The following SLC7A1 variants were observed in gnomAD, a reference collection of about 807,000 sequenced individuals.
The protein encoded by SLC7A1 is solute carrier family 7 member 1.
Under a neutral mutation model 53.9 loss-of-function variants are expected in SLC7A1, and 10 were observed. That is an observed-to-expected ratio of 0.19 (90% CI 0.11 to 0.31). SLC7A1 has a LOEUF of 0.31. SLC7A1 is among the 10% of genes least tolerant of loss of function. The pLI, the probability that SLC7A1 is intolerant of heterozygous loss-of-function variation, is 1.00. For synonymous variants in SLC7A1, 342 were observed against 338.7 expected (o/e 1.01, Z -0.11); for missense variants, 525 against 827.2 (o/e 0.63, Z 4.48).
chr13:29,525,131 G>A (rs773617118), intron 5 of SLC7A1, among the ~76,000 whole-genome samples: 3 of 152,172 alleles, frequency 2.0e-5, no homozygotes, highest in South Asian at 2.1e-4. Flanking sequence ...CCTGGCCACT[G>A]TCCCCTGGTC....
intron 5 of SLC7A1, among the ~76,000 whole-genome samples, chr13:29,526,915 C>T (rs1178747035): frequency 6.6e-6 from 1 of 152,126 alleles, no homozygotes; most frequent in East Asian, 1.9e-4. Context: ...TGTGTGCAAC[C>T]GTGAGCATCC....
intron 8 of SLC7A1, among the ~76,000 whole-genome samples, chr13:29,521,621 G>T (rs17660515): frequency 2.0e-5 from 3 of 152,134 alleles, no homozygotes; most frequent in African/African-American, 4.8e-5. Flanking sequence ...AAATGCAATC[G>T]CGAAAGGAGG....
At chr13:29,539,286 A>C (rs948595236) in intron 2 of SLC7A1, among the ~76,000 whole-genome samples, 1 of 152,194 alleles carries the variant, frequency 6.6e-6, no homozygotes, top group Non-Finnish European at 1.5e-5. Context: ...TCCAGTTAAC[A>C]TAGTTCTGGG....
In SLC7A1 at chr13:29,513,635, A is replaced by G. The variant is rs539931539; in HGVS notation, c.*845T>C. ...TCGGCCACCATGGGGCCAGTCCTGC[A>G]GATACTGTCTCATGTTCCAGTTACT... is the stretch of plus-strand genomic sequence containing the variant. On this transcript the variant is annotated 3_prime_UTR_variant, in exon 13 of 13. Transcript: ENST00000380752. 7.4e-4 allele frequency: 113 copies of G among 152,862 alleles called. No homozygotes were observed. Among genetic ancestry groups the G allele is most frequent in the Non-Finnish European group, 1.3e-3 (90 of 68,074 alleles). The allele number at this position is 152,862 out of a possible 1,614,324, so 9.5% of individuals were successfully genotyped here.
intron 1 of SLC7A1, among the ~76,000 whole-genome samples, chr13:29,573,294 GT>G (rs1440395673): frequency 6.6e-6 from 1 of 152,162 alleles, no homozygotes; most frequent in Non-Finnish European, 1.5e-5. Context: ...AGGTGGGGCT[GT>G]GAGAATCTGA....
At chr13:29,520,879 C>T (rs1868605193) in intron 8 of SLC7A1, among the ~76,000 whole-genome samples, 1 of 152,194 alleles carries the variant, frequency 6.6e-6, no homozygotes, top group South Asian at 2.1e-4. Flanking sequence ...CTAATTTCTT[C>T]CATGTGAGGT....
chr13:29,524,315 T>C, intron 5 of SLC7A1, 62 bp from the exon 6 acceptor site: 1 of 1,604,122 alleles, frequency 6.2e-7, no homozygotes, highest in Non-Finnish European at 8.5e-7. Context: ...CGTAAGGAGC[T>C]GTGCTCATCT....
At chr13:29,527,850 CCT>C (rs750979123) in intron 5 of SLC7A1, among the ~76,000 whole-genome samples, 25 of 152,246 alleles carry the variant, frequency 1.6e-4, no homozygotes, top group Non-Finnish European at 2.6e-4. Context: ...GCCACACTCC[CCT>C]GTTCTTCTAC....
rs1451842112 is a variant in SLC7A1 at position 29,509,641 on chromosome 13, T to C, written c.*4839A>G. ...AGAGACCCAGCAGAGACCAACCTGA[T>C]TTGCAGTTAGCATCAGAATCTAAAT... On this transcript the variant is annotated 3_prime_UTR_variant, in exon 13 of 13. Coordinates refer to ENST00000380752, the MANE Select transcript of SLC7A1 (RefSeq NM_003045.5). 1 of 152,480 alleles carries C rather than the reference T, an allele frequency of 6.6e-6. No homozygotes were observed. The allele number at this position is 152,480 out of a possible 1,614,324, so 9.4% of individuals were successfully genotyped here. A position where few individuals can be genotyped will look rare whatever the true frequency, so the allele number is the denominator to read the frequency against.
At chr13:29,566,091 T>C (rs1473868490) in intron 1 of SLC7A1, among the ~76,000 whole-genome samples, 1 of 152,244 alleles carries the variant, frequency 6.6e-6, no homozygotes, top group Non-Finnish European at 1.5e-5. Flanking sequence ...GCGATGGTTG[T>C]ACAACAATGT....
intron 1 of SLC7A1, among the ~76,000 whole-genome samples, chr13:29,555,791 G>A (rs1162765903): frequency 6.6e-6 from 1 of 152,162 alleles, no homozygotes; most frequent in Non-Finnish European, 1.5e-5. Context: ...CCAAGATGTG[G>A]ACAGCTCCCT....
At chr13:29,536,949 C>T (rs1035282560) in intron 2 of SLC7A1, among the ~76,000 whole-genome samples, 2 of 152,238 alleles carry the variant, frequency 1.3e-5, no homozygotes, top group Non-Finnish European at 2.9e-5. Flanking sequence ...TCATCCATCC[C>T]ACCCTCACAT....
rs754168582 is a variant in SLC7A1, at chr13:29,514,567, A to G, written c.1803T>C (p.Phe601=). The stretch of plus-strand genomic sequence containing the variant: ...CCTCGCTGTGCCACAGGCCATAGCC[A>G]AAGTAGATGATGAAGCCTGCGGGCC... ...VWMLIGFIIY[F]GYGLWHSEEA... is the part of the protein sequence containing the mutation. Residue 601 remains phenylalanine, a synonymous_variant, in exon 13 of 13, where the codon TTT becomes TTC. Coordinates refer to ENST00000380752, the MANE Select transcript of SLC7A1 (RefSeq NM_003045.5). 33 of 1,609,568 alleles carry G rather than the reference A, an allele frequency of 2.1e-5. No individual in the cohort carries two copies. In the Admixed American group the frequency reaches 5.3e-4, roughly 26 times the overall value.
Position 29,535,835 on chromosome 13 carries a change from G to T in SLC7A1, c.354C>A (p.Ile118=). 3 of 1,614,000 alleles carry T rather than the reference G, an allele frequency of 1.9e-6. No individual in the cohort carries two copies. The highest frequency in any genetic ancestry group is 2.5e-6 in the Non-Finnish European group (3 of 1,179,884). Residue 118 remains isoleucine (I), a synonymous_variant, in exon 3 of 13, where the codon ATC becomes ATA. Transcript: ENST00000380752. ...LWAFITGWNL[I]LSYIIGTSSV... ...GGGACCTACCGATGATGTAGGAGAG[G>T]ATTAAGTTCCAGCCGGTGATGAAGG...
At chr13:29,548,217 G>C (rs929741613) in intron 2 of SLC7A1, among the ~76,000 whole-genome samples, 2 of 152,322 alleles carry the variant, frequency 1.3e-5, no homozygotes, top group East Asian at 1.9e-4. Context: ...AAGCTGATAT[G>C]AGTACCAAAG....
chr13:29,581,569 G>T (rs186405452), intron 1 of SLC7A1, among the ~76,000 whole-genome samples: 12 of 152,256 alleles, frequency 7.9e-5, no homozygotes, highest in Admixed American at 2.0e-4. Flanking sequence ...CTGCAAAGAG[G>T]CTTAAACACT....
intron 1 of SLC7A1, among the ~76,000 whole-genome samples, chr13:29,557,612 G>A (rs1468866649): frequency 1.3e-5 from 2 of 149,874 alleles, no homozygotes; most frequent in Non-Finnish European, 3.0e-5. Flanking sequence ...TACCATGAAC[G>A]AAGCCTGCAG....
intron 1 of SLC7A1, among the ~76,000 whole-genome samples, chr13:29,580,331 G>A (rs561604745): frequency 4.6e-5 from 7 of 152,298 alleles, no homozygotes; most frequent in South Asian, 2.1e-4. Flanking sequence ...CAGGCTCCAA[G>A]GTACTTCAAG....
intron 2 of SLC7A1, among the ~76,000 whole-genome samples, chr13:29,537,776 G>T (rs1869489880): frequency 6.6e-6 from 1 of 152,136 alleles, no homozygotes; most frequent in Admixed American, 6.5e-5. Context: ...GGCTACTAAG[G>T]TACACACAAA....
Sources: gnomAD v4.1 joint callset for allele counts (sites outside exome capture counted in the v4.1 genomes callset) on GRCh38, gnomAD v4.1.1 for gene constraint, MANE v1.5 for transcripts, NCBI Gene and HGNC (gene_info 2026-07-23, HGNC 2026-07-21) for gene names.